The following DAB1 variants were observed in gnomAD, a reference collection of about 807,000 sequenced individuals.
The protein encoded by DAB1 is DAB adaptor protein 1.
Under a neutral mutation model 64.6 loss-of-function variants are expected in DAB1, and 15 were observed. The ratio of observed to expected loss-of-function variants is 0.23; its 90% CI spans 0.16 to 0.36. The LOEUF (loss-of-function observed/expected upper bound fraction) is 0.36. Among genes scored for constraint, DAB1 ranks in the 10% least tolerant of loss-of-function variants. The pLI is 1.00. For synonymous variants in DAB1, 235 were observed against 251.9 expected, an observed-to-expected ratio of 0.93 and a Z score of 0.64; for missense variants, 596 against 706.7, an observed-to-expected ratio of 0.84 and a Z score of 1.78.
intron 5 of DAB1, among the ~76,000 whole-genome samples, chr1:58,114,316 T>C (rs1652184926): frequency 6.6e-6 from 1 of 152,166 alleles, no homozygotes; most frequent in Non-Finnish European, 1.5e-5. Context: ...TAACCATATG[T>C]AGAGCCTCCT....
At chr1:58,365,343 AGG>A (rs1362113189) in intron 3 of DAB1, among the ~76,000 whole-genome samples, 2 of 152,248 alleles carry the variant, frequency 1.3e-5, no homozygotes, top group Non-Finnish European at 2.9e-5. Flanking sequence ...CAACTCCTCA[AGG>A]AATGCTTACT....
At chr1:57,551,163 C>A (rs1357643358) in intron 7 of DAB1, among the ~76,000 whole-genome samples, 1 of 152,204 alleles carries the variant, frequency 6.6e-6, no homozygotes, top group African/African-American at 2.4e-5. Flanking sequence ...GTCTTGCACG[C>A]CACTAACATT....
intron 7 of DAB1, among the ~76,000 whole-genome samples, chr1:57,639,637 G>T (rs1434273934): frequency 6.6e-6 from 1 of 152,154 alleles, no homozygotes; most frequent in Non-Finnish European, 1.5e-5. Flanking sequence ...AAGGCAGCAG[G>T]TATGCCCTCT....
chr1:57,058,165 T>C (rs997494046), intron 9 of DAB1, among the ~76,000 whole-genome samples: 1 of 151,894 alleles, frequency 6.6e-6, no homozygotes, highest in Non-Finnish European at 1.5e-5. Context: ...TGTGGGTTTG[T>C]GTTTAGAAGG....
intron 7 of DAB1, among the ~76,000 whole-genome samples, chr1:57,534,079 C>T (rs1644696926): frequency 6.6e-6 from 1 of 152,104 alleles, no homozygotes; most frequent in Admixed American, 6.6e-5. Flanking sequence ...AATGCTCTCT[C>T]TGTCTTCATG....
intron 6 of DAB1, among the ~76,000 whole-genome samples, chr1:57,817,194 T>C (rs1651894691): frequency 6.6e-6 from 1 of 152,204 alleles, no homozygotes; most frequent in Non-Finnish European, 1.5e-5. Context: ...GATTATTATA[T>C]TTATCATTGT....
At chr1:58,370,587 T>A (rs937396364) in intron 3 of DAB1, among the ~76,000 whole-genome samples, 6 of 152,318 alleles carry the variant, frequency 3.9e-5, no homozygotes, top group South Asian at 2.1e-4. Context: ...TCTATTCAGA[T>A]ATTATTTGTA....
chr1:57,443,143 A>C (rs966835724), intron 7 of DAB1, among the ~76,000 whole-genome samples: 4 of 152,224 alleles, frequency 2.6e-5, no homozygotes, highest in African/African-American at 9.6e-5. Flanking sequence ...AAAAGAGGAC[A>C]CTTAATCATT....
At chr1:57,380,898 A>G (rs921184062) in intron 1 of DAB1, among the ~76,000 whole-genome samples, 2 of 152,136 alleles carry the variant, frequency 1.3e-5, no homozygotes, top group African/African-American at 4.8e-5. Flanking sequence ...CAGCACCTCA[A>G]TCCATTTGTT....
chr1:57,678,224 A>T (rs1228188762), intron 6 of DAB1, among the ~76,000 whole-genome samples: 1 of 152,220 alleles, frequency 6.6e-6, no homozygotes, highest in Non-Finnish European at 1.5e-5. Context: ...TGCTGCATTT[A>T]ACAGCATTTA....
intron 5 of DAB1, among the ~76,000 whole-genome samples, chr1:58,118,499 T>TAC (rs1484103711): frequency 0.015 from 1,219 of 78,974 alleles, 17 homozygotes; most frequent in Admixed American, 0.029. Flanking sequence ...TATATATATA[T>TAC]ATATACACAC....
rs560694243 is a variant in DAB1, at chr1:57,185,133, T to A, written c.68-39704A>T. 1.2e-4 allele frequency among the ~76,000 whole-genome samples: 19 copies of A among 152,106 alleles called. 1 individual carries two copies. The highest frequency in any genetic ancestry group is 4.2e-4 in the South Asian group (2 of 4,810). On this transcript the variant is annotated intron_variant, in intron 2 of 14. Coordinates refer to ENST00000371236, the MANE Select transcript of DAB1 (RefSeq NM_001365792.1). Reference sequence around the variant, plus strand: ...CCCCTGCTCCAAACATGCTTCCCCCTCTCTGTGCCAGGCGAACTCCCTGAG... The same window carrying A: ...CCCCTGCTCCAAACATGCTTCCCCCACTCTGTGCCAGGCGAACTCCCTGAG...
intron 2 of DAB1, among the ~76,000 whole-genome samples, chr1:57,213,943 A>G (rs1489340057): frequency 1.3e-5 from 2 of 152,208 alleles, no homozygotes; most frequent in African/African-American, 4.8e-5. Flanking sequence ...GACATGAGTC[A>G]GATTTGCTGT....
At chr1:57,199,854 A>C (rs1664943108) in intron 2 of DAB1, among the ~76,000 whole-genome samples, 1 of 152,168 alleles carries the variant, frequency 6.6e-6, no homozygotes, top group African/African-American at 2.4e-5. Flanking sequence ...AGTAAGTAAC[A>C]CAAATGCACT....
chr1:57,038,349 G>GT (rs1189232601), intron 9 of DAB1, among the ~76,000 whole-genome samples: 1 of 152,110 alleles, frequency 6.6e-6, no homozygotes, highest in Non-Finnish European at 1.5e-5. Flanking sequence ...TATTTGTGGA[G>GT]TTTTTTAGAA....
intron 1 of DAB1, among the ~76,000 whole-genome samples, chr1:57,406,597 C>T (rs1339187892): frequency 3.3e-5 from 5 of 152,202 alleles, no homozygotes; most frequent in Non-Finnish European, 1.5e-5. Flanking sequence ...CCATTATCCT[C>T]CTCATCACCA....
intron 6 of DAB1, among the ~76,000 whole-genome samples, chr1:57,652,405 C>T (rs1646267360): frequency 6.6e-6 from 1 of 152,088 alleles, no homozygotes; most frequent in Admixed American, 6.6e-5. Flanking sequence ...TTTGAAAAAT[C>T]CTGCCCCAAA....
At chr1:57,040,335 G>T (rs1354133274) in intron 9 of DAB1, among the ~76,000 whole-genome samples, 2 of 152,060 alleles carry the variant, frequency 1.3e-5, no homozygotes, top group Non-Finnish European at 2.9e-5. Flanking sequence ...TCTGTGCTGT[G>T]TCATCATCAT....
chr1:57,574,935 C>T (rs1360843399), intron 7 of DAB1, among the ~76,000 whole-genome samples: 2 of 152,148 alleles, frequency 1.3e-5, no homozygotes, highest in African/African-American at 4.8e-5. Flanking sequence ...ATCTCTATTT[C>T]CTCATCCATA....
Sources: gnomAD v4.1 joint callset for allele counts (sites outside exome capture counted in the v4.1 genomes callset) on GRCh38, gnomAD v4.1.1 for gene constraint, MANE v1.5 for transcripts, NCBI Gene and HGNC (gene_info 2026-07-23, HGNC 2026-07-21) for gene names.